Variants in GFOD1 observed in about 807,000 individuals in gnomAD.
GFOD1 encodes Gfo/Idh/MocA-like oxidoreductase domain containing 1, also known as glucose-fructose oxidoreductase domain-containing protein 1.
Under a neutral mutation model 25.4 loss-of-function variants are expected in GFOD1, and 9 were observed. The ratio of observed to expected loss-of-function variants is 0.35; its 90% CI spans 0.21 to 0.62. The LOEUF (loss-of-function observed/expected upper bound fraction) is 0.62, where lower values mean the gene tolerates loss of function less well. GFOD1 is among the 20% of genes least tolerant of loss of function. The pLI, the probability that GFOD1 is intolerant of heterozygous loss-of-function variation, is 0.72. For missense variants in GFOD1, 403 were observed against 556.9 expected (o/e 0.72, Z 2.78); for synonymous variants, 253 against 245.6 (o/e 1.03, Z -0.28).
In GFOD1 at chr6:13,360,719, T is replaced by G. The variant is rs184384692; in HGVS notation, c.*4024A>C. The G allele has an allele frequency of 2.2e-6, 1 of 456,788 alleles. No homozygotes were observed. The highest frequency in any genetic ancestry group is 4.4e-6 in the Non-Finnish European group (1 of 226,982). 28.3% of individuals were successfully genotyped at this position (456,788 alleles called of 1,614,324 possible). ...AGCCTCCTGGCAGAACATCAGATGTTGCATCCTGCTGAACAGGAGGGTGCT... is the reference window on the plus strand; with the variant it reads ...AGCCTCCTGGCAGAACATCAGATGTGGCATCCTGCTGAACAGGAGGGTGCT... On this transcript the variant is annotated 3_prime_UTR_variant, in exon 2 of 2. Transcript: ENST00000379287.
At chr6:13,369,073 C>G (rs1041569675) in intron 1 of GFOD1, among the ~76,000 whole-genome samples, 2 of 152,196 alleles carry the variant, frequency 1.3e-5, no homozygotes, top group African/African-American at 2.4e-5. Flanking sequence ...TGATATGGCT[C>G]CACATTATAC....
intron 1 of GFOD1, among the ~76,000 whole-genome samples, chr6:13,417,878 C>T (rs1349519126): frequency 6.6e-6 from 1 of 152,192 alleles, no homozygotes; most frequent in Non-Finnish European, 1.5e-5. Context: ...AAGGGTCTAA[C>T]CCACCCCTCA....
At chr6:13,462,141 A>G (rs538566357) in intron 1 of GFOD1, among the ~76,000 whole-genome samples, 2 of 152,366 alleles carry the variant, frequency 1.3e-5, no homozygotes, top group East Asian at 1.9e-4. Flanking sequence ...TGCTTGGCAC[A>G]TGGCAAATAC....
At chr6:13,451,976 C>T (rs749535060) in intron 1 of GFOD1, among the ~76,000 whole-genome samples, 10 of 152,126 alleles carry the variant, frequency 6.6e-5, no homozygotes, top group Non-Finnish European at 1.2e-4. Flanking sequence ...GTCTTAAATT[C>T]AGGAGATAAA....
At chr6:13,399,814 C>T (rs1047448304) in intron 1 of GFOD1, among the ~76,000 whole-genome samples, 1 of 152,196 alleles carries the variant, frequency 6.6e-6, no homozygotes, top group African/African-American at 2.4e-5. Context: ...CTTGAAATTG[C>T]AGTGGCATTG....
rs950311928 is a variant in GFOD1, at chr6:13,360,815, C to T, written c.*3928G>A. On this transcript the variant is annotated 3_prime_UTR_variant, in exon 2 of 2. Coordinates refer to ENST00000379287, the MANE Select transcript of GFOD1 (RefSeq NM_018988.4). ...GTCCTTCCTGGGTGTGAGAGCAGACCCCGTAGACATTGATAAGGAGCGGTT... is the reference window on the plus strand; with the variant it reads ...GTCCTTCCTGGGTGTGAGAGCAGACTCCGTAGACATTGATAAGGAGCGGTT... 2.2e-5 allele frequency: 10 copies of T among 456,546 alleles called. 1 individual carries two copies. The highest frequency in any genetic ancestry group is 2.1e-4 in the Admixed American group (9 of 42,552). 28.3% of individuals were successfully genotyped at this position (456,546 alleles called of 1,614,324 possible). A position where few individuals can be genotyped will look rare whatever the true frequency, so the allele number is the denominator to read the frequency against.
At chr6:13,422,664 C>T (rs770045836) in intron 1 of GFOD1, among the ~76,000 whole-genome samples, 3 of 152,164 alleles carry the variant, frequency 2.0e-5, no homozygotes, top group Non-Finnish European at 4.4e-5. Context: ...AAAAGAAACC[C>T]GTGTCCCCCT....
At chr6:13,429,074 T>C (rs1757698768) in intron 1 of GFOD1, among the ~76,000 whole-genome samples, 1 of 152,176 alleles carries the variant, frequency 6.6e-6, no homozygotes, top group South Asian at 2.1e-4. Flanking sequence ...TTTACTAAGA[T>C]GTGCTCCCAG....
At chr6:13,483,685 A>G (rs1019070383) in intron 1 of GFOD1, among the ~76,000 whole-genome samples, 3 of 152,148 alleles carry the variant, frequency 2.0e-5, no homozygotes, top group Non-Finnish European at 4.4e-5. Flanking sequence ...CAGGGCTGGG[A>G]TGGAATAAAG....
At chr6:13,390,040 T>C (rs1050905747) in intron 1 of GFOD1, among the ~76,000 whole-genome samples, 1 of 151,948 alleles carries the variant, frequency 6.6e-6, no homozygotes, top group African/African-American at 2.4e-5. Flanking sequence ...GTGCCACTCT[T>C]CTCCAAGGTC....
At chr6:13,390,907 T>C (rs951961349) in intron 1 of GFOD1, among the ~76,000 whole-genome samples, 1 of 152,192 alleles carries the variant, frequency 6.6e-6, no homozygotes, top group Admixed American at 6.5e-5. Context: ...GCACAGTGCC[T>C]GGCACAGGAA....
chr6:13,446,809 G>C (rs1035334388), intron 1 of GFOD1, among the ~76,000 whole-genome samples: 1 of 152,202 alleles, frequency 6.6e-6, no homozygotes, highest in African/African-American at 2.4e-5. Flanking sequence ...GAGATCAGAA[G>C]CACATATTTG....
chr6:13,369,828 G>A, intron 1 of GFOD1, among the ~76,000 whole-genome samples: 1 of 152,220 alleles, frequency 6.6e-6, no homozygotes, highest in Middle Eastern at 3.4e-3. Flanking sequence ...TAAATGAAAA[G>A]GGCTCTATTC....
At position 13,362,077 on chromosome 6, in the gene GFOD1, C is replaced by G. The variant is rs1354427384; in HGVS notation, c.*2666G>C. The G allele has an allele frequency of 3.3e-5, 5 of 152,136 alleles. No homozygotes were observed. Among genetic ancestry groups the G allele is most frequent in the Non-Finnish European group, 7.3e-5 (5 of 68,028 alleles). The allele number at this position is 152,136 out of a possible 1,614,324, so 9.4% of individuals were successfully genotyped here. On this transcript the variant is annotated 3_prime_UTR_variant, in exon 2 of 2. Coordinates refer to ENST00000379287, the MANE Select transcript of GFOD1 (RefSeq NM_018988.4). Reference sequence around the variant, plus strand: ...TCATTTTGTTTACTTTCCCTTCATCCTTAATCGGAGCCCTTCAGGCTAGCT... The same window carrying G: ...TCATTTTGTTTACTTTCCCTTCATCGTTAATCGGAGCCCTTCAGGCTAGCT...
At chr6:13,460,940 C>A (rs939587706) in intron 1 of GFOD1, among the ~76,000 whole-genome samples, 2 of 152,200 alleles carry the variant, frequency 1.3e-5, no homozygotes, top group African/African-American at 4.8e-5. Flanking sequence ...CCCTATTCTG[C>A]CAGGTGAGGA....
intron 1 of GFOD1, among the ~76,000 whole-genome samples, chr6:13,423,020 C>A (rs954796203): frequency 6.6e-6 from 1 of 152,130 alleles, no homozygotes; most frequent in Non-Finnish European, 1.5e-5. Context: ...AGAGCAAGTC[C>A]AGGAATGAAC....
At chr6:13,436,301 A>G (rs193258333) in intron 1 of GFOD1, among the ~76,000 whole-genome samples, 7 of 152,374 alleles carry the variant, frequency 4.6e-5, no homozygotes, top group Non-Finnish European at 5.9e-5. Context: ...CAAGTCTAAC[A>G]CTACAGTAGG....
intron 1 of GFOD1, among the ~76,000 whole-genome samples, chr6:13,369,960 C>CACT (rs3037816): frequency 0.46 from 70,280 of 151,604 alleles, 17,830 homozygotes; most frequent in East Asian, 0.68. Flanking sequence ...TTATTTTCTT[C>CACT]ACATTTTTCC....
At chr6:13,392,372 A>G (rs1785631800) in intron 1 of GFOD1, among the ~76,000 whole-genome samples, 1 of 151,414 alleles carries the variant, frequency 6.6e-6, no homozygotes, top group South Asian at 2.1e-4. Flanking sequence ...AAGAAAAGAG[A>G]AAAAAGAAAA....
Sources: gnomAD v4.1 joint callset for allele counts (sites outside exome capture counted in the v4.1 genomes callset) on GRCh38, gnomAD v4.1.1 for gene constraint, MANE v1.5 for transcripts, NCBI Gene and HGNC (gene_info 2026-07-23, HGNC 2026-07-21) for gene names.